The following HSD11B1 variants were observed in gnomAD, a reference collection of about 807,000 sequenced individuals.
HSD11B1 encodes 11-beta-hydroxysteroid dehydrogenase 1.
In HSD11B1, 15 loss-of-function variants were observed where a neutral mutation model predicts 22.1. The observed-to-expected ratio is 0.68, with a 90% CI of 0.45 to 1.04. The LOEUF (loss-of-function observed/expected upper bound fraction) is 1.04, where lower values mean the gene tolerates loss of function less well. Among genes scored for constraint, HSD11B1 ranks in the 50% least tolerant of loss-of-function variants. HSD11B1 has a pLI of 0.00. For missense variants in HSD11B1, 281 were observed against 357.6 expected (o/e 0.79, Z 1.73); for synonymous variants, 122 against 125.2 (o/e 0.97, Z 0.17).
At chr1:209,691,000 C>T (rs2076756479) in intron 1 of HSD11B1, among the ~76,000 whole-genome samples, 1 of 152,044 alleles carries the variant, frequency 6.6e-6, no homozygotes, top group African/African-American at 2.4e-5. Flanking sequence ...ACCACAAAAA[C>T]AAAACTCATC....
upstream of HSD11B1, among the ~76,000 whole-genome samples, chr1:209,701,196 C>G (rs911172375): frequency 6.6e-6 from 1 of 152,132 alleles, no homozygotes; most frequent in African/African-American, 2.4e-5. Context: ...AAGACATACC[C>G]GAAACCAGGA....
chr1:209,695,372 G>T (rs1372865176), intron 1 of HSD11B1, among the ~76,000 whole-genome samples: 1 of 152,180 alleles, frequency 6.6e-6, no homozygotes, highest in Non-Finnish European at 1.5e-5. Flanking sequence ...GTGATTAATG[G>T]AATATGGAGA....
At chr1:209,711,807 T>C (rs111268742) in intron 4 of HSD11B1, among the ~76,000 whole-genome samples, 4 of 152,182 alleles carry the variant, frequency 2.6e-5, no homozygotes, top group African/African-American at 9.6e-5. Flanking sequence ...ATCTGCTAGA[T>C]TTATCTAGGA....
intron 4 of HSD11B1, among the ~76,000 whole-genome samples, chr1:209,730,723 A>G (rs2077030342): frequency 2.6e-5 from 4 of 152,230 alleles, no homozygotes; most frequent in Admixed American, 2.6e-4. Context: ...CACCTTTCTC[A>G]GCATCTTTAT....
At chr1:209,721,756 C>T (rs868327727) in intron 4 of HSD11B1, among the ~76,000 whole-genome samples, 11 of 152,338 alleles carry the variant, frequency 7.2e-5, no homozygotes, top group Middle Eastern at 3.4e-3. Context: ...CCCCCATCCA[C>T]AGGATCCACA....
rs760654300 is a variant in HSD11B1 at position 209,706,892 on chromosome 1, T to G, written c.332-51T>G. 1.9e-6 allele frequency: 3 copies of G among 1,609,308 alleles called. No individual in the cohort carries two copies. Among genetic ancestry groups the G allele is most frequent in the Non-Finnish European group, 2.6e-6 (3 of 1,175,530 alleles). On this transcript the variant is annotated intron_variant, in intron 3 of 5. Transcript: ENST00000367027. The surrounding 1 kb of genome is among the most constrained non-coding windows in gnomAD (Gnocchi z 4.0). ...TCACCAAGAGCTTTTGGGAGGAGAA[T>G]GGGAAAGGTATCAACCCCAGATGAT...
intron 1 of HSD11B1, among the ~76,000 whole-genome samples, chr1:209,687,261 G>A (rs1307339755): frequency 1.3e-5 from 2 of 152,166 alleles, no homozygotes; most frequent in Non-Finnish European, 2.9e-5. Context: ...CAGTATCAGA[G>A]GGACACAATT....
At chr1:209,698,753 C>T (rs1388243027) in intron 1 of HSD11B1, among the ~76,000 whole-genome samples, 2 of 152,306 alleles carry the variant, frequency 1.3e-5, no homozygotes, top group East Asian at 3.9e-4. Flanking sequence ...ATAAAAACAA[C>T]AGAATTTTTT....
intron 1 of HSD11B1, among the ~76,000 whole-genome samples, chr1:209,687,290 C>A (rs1375327783): frequency 4.6e-5 from 7 of 152,150 alleles, no homozygotes; most frequent in Non-Finnish European, 2.9e-5. Context: ...TCCTTCAGAG[C>A]CAGTGTTTCT....
Position 209,705,860 on chromosome 1 carries a change from C to T in HSD11B1, c.138C>T (p.Ile46=), listed in dbSNP as rs149277936. The change falls in exon 2 of 6, where the codon ATC becomes ATT. Residue 46 remains isoleucine (I), a synonymous_variant. Transcript: ENST00000367027. The stretch of plus-strand genomic sequence containing the variant: ...TTGTCACAGGGGCCAGCAAAGGGAT[C>T]GGAAGAGAGATGGCTTATCATCTGG... ...KVIVTGASKG[I]GREMAYHLAK... 2.9e-5 allele frequency: 47 copies of T among 1,613,932 alleles called. No homozygotes were observed. Among genetic ancestry groups the T allele is most frequent in the African/African-American group, 2.8e-4 (21 of 75,002 alleles).
intron 5 of HSD11B1, among the ~76,000 whole-genome samples, chr1:209,733,135 A>G (rs2077046129): frequency 6.6e-6 from 1 of 152,178 alleles, no homozygotes; most frequent in Non-Finnish European, 1.5e-5. Flanking sequence ...AATGGCCATT[A>G]CGTTTCTATA....
At chr1:209,724,496 G>T (rs1229547502) in intron 4 of HSD11B1, among the ~76,000 whole-genome samples, 1 of 152,170 alleles carries the variant, frequency 6.6e-6, no homozygotes, top group Non-Finnish European at 1.5e-5. Context: ...TCAGAACGTG[G>T]AAGCCTTTGC....
chr1:209,686,974 C>T (rs1246040358), intron 1 of HSD11B1, among the ~76,000 whole-genome samples: 1 of 152,154 alleles, frequency 6.6e-6, no homozygotes, highest in Non-Finnish European at 1.5e-5. Flanking sequence ...CGGGCCTTTT[C>T]AGAGAAAATC....
chr1:209,721,953 C>T (rs3766619), intron 4 of HSD11B1, among the ~76,000 whole-genome samples: 1 of 152,100 alleles, frequency 6.6e-6, no homozygotes, highest in African/African-American at 2.4e-5. Flanking sequence ...TGAGGCCCCT[C>T]TCATATGGCT....
In HSD11B1 at chr1:209,706,866, G is replaced by A. The variant is rs1007465522; in HGVS notation, c.331+46G>A. ...TCCTCCTCTGAACTTTGCCCTTGGG[G>A]TCACCAAGAGCTTTTGGGAGGAGAA... On this transcript the variant is annotated intron_variant, in intron 3 of 5. Transcript: ENST00000367027. The surrounding 1 kb of genome is among the most constrained non-coding windows in gnomAD (Gnocchi z 4.0). 4.4e-6 allele frequency: 7 copies of A among 1,600,692 alleles called. No homozygotes were observed. Among genetic ancestry groups the A allele is most frequent in the Non-Finnish European group, 6.0e-6 (7 of 1,171,020 alleles).
chr1:209,724,775 C>T (rs2076990198), intron 4 of HSD11B1, among the ~76,000 whole-genome samples: 1 of 152,164 alleles, frequency 6.6e-6, no homozygotes, highest in Admixed American at 6.5e-5. Context: ...TGTTTAAGAA[C>T]ACACTTGTGA....
rs2077053939 is a variant in HSD11B1 at position 209,734,311 on chromosome 1, C to T, written c.669C>T (p.Ala223=). The change falls in exon 6 of 6, where the codon GCC becomes GCT. Residue 223 remains alanine (A), a synonymous_variant. Coordinates refer to ENST00000367027, the MANE Select transcript of HSD11B1 (RefSeq NM_005525.4). ...CVLGLIDTET[A]MKAVSGIVHM... ...TCCCTTGTCATTCTATAGAAACAGC[C>T]ATGAAGGCAGTTTCTGGGATAGTCC... 6.2e-7 allele frequency: 1 copy of T among 1,613,336 alleles called. No individual in the cohort carries two copies. The highest frequency in any genetic ancestry group is 8.5e-7 in the Non-Finnish European group (1 of 1,179,480).
intron 4 of HSD11B1, among the ~76,000 whole-genome samples, chr1:209,729,054 T>C (rs1409170011): frequency 3.3e-5 from 5 of 152,078 alleles, no homozygotes; most frequent in African/African-American, 1.2e-4. Flanking sequence ...AAAATAATAG[T>C]GGATTCAATA....
chr1:209,704,732 A>T, upstream of HSD11B1: 1 of 562,466 alleles, frequency 1.8e-6, no homozygotes, highest in Non-Finnish European at 3.2e-6. Flanking sequence ...TATGAAATCC[A>T]CCACACAGGC....
Sources: gnomAD v4.1 joint callset for allele counts (sites outside exome capture counted in the v4.1 genomes callset) on GRCh38, gnomAD v4.1.1 for gene constraint, Gnocchi (gnomAD v3.1) non-coding constraint, MANE v1.5 for transcripts, NCBI Gene and HGNC (gene_info 2026-07-23, HGNC 2026-07-21) for gene names.